Variants in FGF12 observed in about 807,000 individuals in gnomAD.
FGF12 encodes fibroblast growth factor 12B.
A neutral mutation model predicts 23.6 loss-of-function variants in FGF12; 14 were observed. The ratio of observed to expected loss-of-function variants is 0.59; its 90% confidence interval spans 0.39 to 0.93. The LOEUF is 0.93. FGF12 is among the 40% of genes least tolerant of loss of function. The pLI is 0.00. For synonymous variants in FGF12, 62 were observed against 77.3 expected, an observed-to-expected ratio of 0.80 and a Z score of 1.04; for missense variants, 175 against 217.8, an observed-to-expected ratio of 0.80 and a Z score of 1.24.
intron 2 of FGF12, among the ~76,000 whole-genome samples, chr3:192,640,063 C>A (rs1345458152): frequency 6.6e-6 from 1 of 150,860 alleles, no homozygotes; most frequent in African/African-American, 2.4e-5. Context: ...TTACCAGGGG[C>A]ACGGGATGGG....
chr3:192,723,877 G>A (rs1321942143), intron 2 of FGF12, among the ~76,000 whole-genome samples: 2 of 137,026 alleles, frequency 1.5e-5, no homozygotes, highest in Non-Finnish European at 1.6e-5. Context: ...GAGAGAGAGA[G>A]AGGAGAGGAG....
chr3:192,568,859 G>A (rs950245747), intron 2 of FGF12, among the ~76,000 whole-genome samples: 3 of 152,170 alleles, frequency 2.0e-5, no homozygotes, highest in South Asian at 2.1e-4. Flanking sequence ...TAGAGCCCAC[G>A]TGACCACTCT....
intron 4 of FGF12, among the ~76,000 whole-genome samples, chr3:192,183,003 C>T (rs1025778195): frequency 6.6e-6 from 1 of 152,186 alleles, no homozygotes; most frequent in African/African-American, 2.4e-5. Context: ...TTCATCTAAA[C>T]ATAGACTTCC....
chr3:192,521,497 G>A (rs1724810782), intron 2 of FGF12: 2 of 152,150 alleles, frequency 1.3e-5, no homozygotes, highest in Non-Finnish European at 2.9e-5. Context: ...ATCAGTTCAG[G>A]ATAATAAATA....
intron 5 of FGF12, among the ~76,000 whole-genome samples, chr3:192,154,654 G>A (rs1259974107): frequency 6.8e-6 from 1 of 146,796 alleles, no homozygotes; most frequent in Non-Finnish European, 1.5e-5. Context: ...ACCCACTTGA[G>A]GAGGTAGTCT....
intron 4 of FGF12, among the ~76,000 whole-genome samples, chr3:192,310,575 T>C (rs1015615950): frequency 6.6e-6 from 1 of 152,196 alleles, no homozygotes; most frequent in South Asian, 2.1e-4. Flanking sequence ...TTTCATTAAA[T>C]AGCTCAAAGG....
At chr3:192,602,515 A>C (rs1406776017) in intron 2 of FGF12, among the ~76,000 whole-genome samples, 1 of 152,132 alleles carries the variant, frequency 6.6e-6, no homozygotes, top group Non-Finnish European at 1.5e-5. Flanking sequence ...CAGAGCTGTG[A>C]AGTGTAGTTG....
At chr3:192,537,726 T>C (rs1374281191) in intron 2 of FGF12, among the ~76,000 whole-genome samples, 1 of 152,198 alleles carries the variant, frequency 6.6e-6, no homozygotes, top group Non-Finnish European at 1.5e-5. Flanking sequence ...TGCAAATATT[T>C]TCCCCCATTC....
chr3:192,320,048 C>G (rs534655853), intron 4 of FGF12, among the ~76,000 whole-genome samples: 2 of 152,054 alleles, frequency 1.3e-5, no homozygotes, highest in Non-Finnish European at 2.9e-5. Flanking sequence ...AATCAAAAGA[C>G]GTAGAGTGCC....
chr3:192,331,325 A>C lies in FGF12; in HGVS notation c.228+4036T>G, dbSNP rs561459378. On this transcript the variant is annotated intron_variant, in intron 4 of 5. Transcript: ENST00000445105. ...TGGAGTTTTCTCAAAAAAAAAAAAA[A>C]AAAAAAACAAAAACAAAAACAGAAT... Among the ~76,000 whole-genome samples the C allele has an allele frequency of 7.7e-5, 11 of 143,272 alleles. No individual in the cohort carries two copies. The South Asian group carries it at 1.1e-3, about 15-fold the overall frequency. The allele number at this position is 143,272 out of a possible 152,430, so 94.0% of individuals were successfully genotyped here.
chr3:192,371,347 G>C (rs1445553699), intron 2 of FGF12, among the ~76,000 whole-genome samples: 1 of 152,186 alleles, frequency 6.6e-6, no homozygotes, highest in Non-Finnish European at 1.5e-5. Context: ...TTCCAGTTCT[G>C]TGCCTCCCAG....
intron 2 of FGF12, among the ~76,000 whole-genome samples, chr3:192,684,590 A>C (rs1428083958): frequency 6.6e-6 from 1 of 152,054 alleles, no homozygotes; most frequent in Non-Finnish European, 1.5e-5. Context: ...ATGTTAAACT[A>C]TTTTTCAGTT....
At chr3:192,161,505 TAC>T (rs10543146) in intron 5 of FGF12, among the ~76,000 whole-genome samples, 9,283 of 149,614 alleles carry the variant, frequency 0.062, 469 homozygotes, top group African/African-American at 0.14. Context: ...AACGCCTATT[TAC>T]ACACACACAC....
chr3:192,164,377 T>TATCA (rs1390640848), intron 5 of FGF12, among the ~76,000 whole-genome samples: 2 of 152,196 alleles, frequency 1.3e-5, no homozygotes, highest in African/African-American at 4.8e-5. Context: ...CAAGGCCATC[T>TATCA]ATCAGAATAG....
In FGF12 at chr3:192,703,886, G is replaced by A. The variant is rs150552177; in HGVS notation, c.13+23295C>T. ...CCAGCTAATTTTTAAAAATTTTTTTGTAGAGACAAGGTCTCACTGTGTTGC... is the reference window on the plus strand; with the variant it reads ...CCAGCTAATTTTTAAAAATTTTTTTATAGAGACAAGGTCTCACTGTGTTGC... On this transcript the variant is annotated intron_variant, in intron 2 of 5. Coordinates refer to ENST00000445105, the MANE Select transcript of FGF12 (RefSeq NM_004113.6). Among the ~76,000 whole-genome samples, 6 of 152,232 alleles carry A rather than the reference G, an allele frequency of 3.9e-5. No homozygotes were observed. In the East Asian group the frequency reaches 1.2e-3, roughly 29 times the overall value.
intron 2 of FGF12, among the ~76,000 whole-genome samples, chr3:192,687,031 A>T (rs982766462): frequency 1.3e-5 from 2 of 151,258 alleles, no homozygotes; most frequent in Non-Finnish European, 3.0e-5. Flanking sequence ...GGGTTTCACC[A>T]TCTTAGCCAG....
intron 2 of FGF12, among the ~76,000 whole-genome samples, chr3:192,640,553 T>C (rs1196122530): frequency 6.6e-6 from 1 of 152,188 alleles, no homozygotes; most frequent in Non-Finnish European, 1.5e-5. Context: ...GGTACCTCCG[T>C]TATTTTATAG....
intron 2 of FGF12, among the ~76,000 whole-genome samples, chr3:192,361,972 T>C (rs1453346396): frequency 1.3e-5 from 2 of 152,256 alleles, no homozygotes; most frequent in Non-Finnish European, 1.5e-5. Context: ...ATTATCTTTA[T>C]GAGTTAAATA....
chr3:192,340,603 T>A (rs1354471062), intron 3 of FGF12, among the ~76,000 whole-genome samples: 1 of 152,168 alleles, frequency 6.6e-6, no homozygotes, highest in Admixed American at 6.6e-5. Flanking sequence ...AGTTGACTCT[T>A]GTATTTTGAA....
Sources: allele counts gnomAD v4.1 joint callset (sites outside exome capture counted in the v4.1 genomes callset), GRCh38; gene constraint gnomAD v4.1.1; transcripts MANE v1.5; gene names NCBI Gene and HGNC (gene_info 2026-07-23, HGNC 2026-07-21).